Variants in ABCC4 observed in about 807,000 individuals in gnomAD.
ABCC4 encodes ATP-binding cassette sub-family C member 4.
A neutral mutation model predicts 168.5 loss-of-function variants in ABCC4; 102 were observed. The ratio of observed to expected loss-of-function variants is 0.61; its 90% CI spans 0.52 to 0.71. ABCC4 has a LOEUF of 0.71. ABCC4 is among the 30% of genes least tolerant of loss of function. The pLI, the probability that ABCC4 is intolerant of heterozygous loss-of-function variation, is 0.00. For synonymous variants in ABCC4, 617 were observed against 590.7 expected (o/e 1.04, Z -0.65); for missense variants, 1,402 against 1,605.8 (o/e 0.87, Z 2.17).
At chr13:95,129,396 G>A (rs997209401) in intron 19 of ABCC4, among the ~76,000 whole-genome samples, 1 of 152,166 alleles carries the variant, frequency 6.6e-6, no homozygotes, top group Non-Finnish European at 1.5e-5. Flanking sequence ...TGTACAGGAA[G>A]TTATCCATTT....
At chr13:95,188,708 A>AT (rs57650329) in intron 9 of ABCC4, among the ~76,000 whole-genome samples, 166 bp from the exon 10 acceptor site, 3 of 152,070 alleles carry the variant, frequency 2.0e-5, no homozygotes, top group Non-Finnish European at 2.9e-5. Flanking sequence ...ATACAATCAT[A>AT]TTTTTTTGGT....
intron 1 of ABCC4, among the ~76,000 whole-genome samples, chr13:95,277,353 G>A (rs761862379): frequency 6.6e-6 from 1 of 151,996 alleles, no homozygotes; most frequent in Non-Finnish European, 1.5e-5. Flanking sequence ...GGCCAAGGAG[G>A]GTGGATCACC....
chr13:95,175,926 C>T (rs372968355), intron 13 of ABCC4, among the ~76,000 whole-genome samples: 1 of 152,098 alleles, frequency 6.6e-6, no homozygotes, highest in Non-Finnish European at 1.5e-5. Context: ...TCTCACGGTA[C>T]CTTCTCTATC....
intron 11 of ABCC4, among the ~76,000 whole-genome samples, chr13:95,180,287 C>T (rs947583108): frequency 1.3e-5 from 2 of 152,142 alleles, no homozygotes; most frequent in Non-Finnish European, 2.9e-5. Flanking sequence ...GGCACGGTGG[C>T]TCACGCCTGT....
At chr13:95,148,990 A>G (rs1298081323) in intron 19 of ABCC4, 1 of 152,194 alleles carries the variant, frequency 6.6e-6, no homozygotes, top group Non-Finnish European at 1.5e-5. Flanking sequence ...AAGGGAAATT[A>G]AAGCTTCTTC....
rs548584568 is a variant in ABCC4, at chr13:95,030,359, T to C, written c.3870+4246A>G. On this transcript the variant is annotated intron_variant, in intron 30 of 30. Transcript: ENST00000645237. ...TTTTGAGTTGTATCTGGCAATTTCA[T>C]GAGTGCATAAAATGGCACCTCTGTT... 3.3e-5 allele frequency among the ~76,000 whole-genome samples: 5 copies of C among 152,230 alleles called. No individual in the cohort carries two copies. The East Asian group carries it at 7.8e-4, about 24-fold the overall frequency.
intron 27 of ABCC4, among the ~76,000 whole-genome samples, chr13:95,045,618 A>G (rs1021481377): frequency 6.6e-6 from 1 of 152,296 alleles, no homozygotes; most frequent in East Asian, 1.9e-4. Flanking sequence ...TTGTAGCTAT[A>G]AGATGATCTG....
chr13:95,209,384 T>C, intron 6 of ABCC4, 50 bp downstream of exon 6: 1 of 1,579,862 alleles, frequency 6.3e-7, no homozygotes. Context: ...GGGAAGACTG[T>C]GGATGTTACC....
intron 29 of ABCC4, among the ~76,000 whole-genome samples, chr13:95,042,971 C>T (rs1226041696): frequency 3.9e-5 from 6 of 152,128 alleles, no homozygotes; most frequent in South Asian, 2.1e-4. Context: ...GGTTTCCCCA[C>T]GTTGGCCAGG....
intron 21 of ABCC4, among the ~76,000 whole-genome samples, chr13:95,082,778 A>C (rs1214979321): frequency 1.3e-5 from 2 of 152,166 alleles, no homozygotes; most frequent in African/African-American, 4.8e-5. Flanking sequence ...TAGTTTCACC[A>C]TGATCAAATA....
rs747433941 is a variant in ABCC4 at position 95,177,698 on chromosome 13, C to T, written c.1727+9G>A. ...AAGCAGAAATGACTTAAGACACAAA[C>T]ACACTCACAGTTCGAACAAGTGTCT... On this transcript the variant is annotated intron_variant, in intron 13 of 30. Coordinates refer to ENST00000645237, the MANE Select transcript of ABCC4 (RefSeq NM_005845.5). 6.2e-7 allele frequency: 1 copy of T among 1,602,772 alleles called. No homozygotes were observed. The highest frequency in any genetic ancestry group is 8.5e-7 in the Non-Finnish European group (1 of 1,172,092).
At chr13:95,113,000 T>C (rs942281271) in intron 20 of ABCC4, among the ~76,000 whole-genome samples, 5 of 152,172 alleles carry the variant, frequency 3.3e-5, no homozygotes, top group Admixed American at 2.6e-4. Context: ...GTAGAAGAAT[T>C]GATGCGGTAG....
intron 20 of ABCC4, among the ~76,000 whole-genome samples, chr13:95,106,368 C>T (rs1374288501): frequency 6.8e-6 from 1 of 148,148 alleles, no homozygotes; most frequent in African/African-American, 2.6e-5. Flanking sequence ...TATATATATA[C>T]ATATATACGC....
intron 19 of ABCC4, among the ~76,000 whole-genome samples, chr13:95,159,630 A>T (rs1451179978): frequency 6.6e-6 from 1 of 152,200 alleles, no homozygotes; most frequent in Non-Finnish European, 1.5e-5. Context: ...TTATGACTGT[A>T]GTTTCAAATT....
intron 15 of ABCC4, 27 bp downstream of exon 15, chr13:95,166,131 C>G: frequency 6.3e-7 from 1 of 1,588,604 alleles, no homozygotes. Flanking sequence ...CAAAACCAGG[C>G]CATGTTGTAA....
intron 1 of ABCC4, among the ~76,000 whole-genome samples, chr13:95,298,129 A>C (rs2041581958): frequency 6.6e-6 from 1 of 151,964 alleles, no homozygotes; most frequent in Non-Finnish European, 1.5e-5. Context: ...TCTCTACCAA[A>C]AATACAAAAA....
intron 11 of ABCC4, among the ~76,000 whole-genome samples, chr13:95,186,434 C>T (rs964563580): frequency 4.6e-5 from 7 of 151,884 alleles, no homozygotes; most frequent in African/African-American, 1.7e-4. Flanking sequence ...TATAATTGTC[C>T]ATTTTGAAAA....
chr13:95,144,167 A>G (rs2036410232), intron 19 of ABCC4, among the ~76,000 whole-genome samples: 2 of 152,028 alleles, frequency 1.3e-5, no homozygotes, highest in South Asian at 4.2e-4. Context: ...TAAACATATG[A>G]TTAATAAGAT....
At chr13:95,268,547 T>A (rs1033845536) in intron 1 of ABCC4, among the ~76,000 whole-genome samples, 1 of 152,074 alleles carries the variant, frequency 6.6e-6, no homozygotes, top group African/African-American at 2.4e-5. Context: ...CAATGGAACG[T>A]CTCAGTGTAA....
Sources: allele counts gnomAD v4.1 joint callset (sites outside exome capture counted in the v4.1 genomes callset), GRCh38; gene constraint gnomAD v4.1.1; transcripts MANE v1.5; gene names NCBI Gene and HGNC (gene_info 2026-07-23, HGNC 2026-07-21).